Variants in PPP1R21 observed in about 807,000 individuals in gnomAD.
PPP1R21 encodes the protein KLRAQ motif containing 1.
In PPP1R21, 85 loss-of-function variants were observed where a neutral mutation model predicts 112.8. The ratio of observed to expected loss-of-function variants is 0.75; its 90% CI spans 0.63 to 0.90. The LOEUF (loss-of-function observed/expected upper bound fraction) is 0.90. Among genes scored for constraint, PPP1R21 ranks in the 40% least tolerant of loss-of-function variants. PPP1R21 has a pLI of 0.00. For synonymous variants in PPP1R21, 381 were observed against 322.3 expected, an observed-to-expected ratio of 1.18 and a Z score of -1.95; for missense variants, 1,199 against 901.5, an observed-to-expected ratio of 1.33 and a Z score of -4.23.
At chr2:48,455,016 T>C (rs1667656485) in intron 3 of PPP1R21, among the ~76,000 whole-genome samples, 1 of 152,164 alleles carries the variant, frequency 6.6e-6, no homozygotes, top group Admixed American at 6.5e-5. Context: ...TTTTGTATTT[T>C]TTGTAGAGAT....
intron 20 of PPP1R21, among the ~76,000 whole-genome samples, chr2:48,511,081 C>T (rs1039145275): frequency 3.3e-5 from 5 of 151,936 alleles, no homozygotes; most frequent in African/African-American, 1.2e-4. Context: ...TTGGGGGGGA[C>T]ATGGTATTTT....
chr2:48,450,075 C>T (rs770298553), intron 1 of PPP1R21, among the ~76,000 whole-genome samples: 4 of 152,092 alleles, frequency 2.6e-5, no homozygotes, highest in Admixed American at 6.5e-5. Flanking sequence ...TTTAAAATAG[C>T]GTTATTTCTC....
chr2:48,466,368 C>T lies in PPP1R21; in HGVS notation c.897+726C>T, dbSNP rs537900547. ...CTGGGACTACAGGCGTGCACCACCA[C>T]ACTGGCTAATTTTTTTTTTCTTTTT... On this transcript the variant is annotated intron_variant, in intron 9 of 21. Coordinates refer to ENST00000294952, the MANE Select transcript of PPP1R21 (RefSeq NM_001135629.3). Among the ~76,000 whole-genome samples the T allele has an allele frequency of 2.6e-5, 4 of 152,164 alleles. No homozygotes were observed. In the East Asian group the frequency reaches 5.8e-4, roughly 22 times the overall value.
chr2:48,488,430 G>A (rs922131565), intron 14 of PPP1R21, among the ~76,000 whole-genome samples: 3 of 150,046 alleles, frequency 2.0e-5, no homozygotes, highest in Non-Finnish European at 3.0e-5. Context: ...GTAGTGGCAT[G>A]ATCTCAGCTC....
At chr2:48,459,656 C>G (rs573234436) in intron 4 of PPP1R21, 98 bp from the exon 5 acceptor site, 60 of 1,331,834 alleles carry the variant, frequency 4.5e-5, no homozygotes, top group Non-Finnish European at 5.9e-5. Flanking sequence ...GCATATGGAA[C>G]CATGTGGAAG....
chr2:48,476,281 A>C (rs1668752330), intron 12 of PPP1R21, among the ~76,000 whole-genome samples: 1 of 152,244 alleles, frequency 6.6e-6, no homozygotes, highest in Non-Finnish European at 1.5e-5. Context: ...AGCATGTATC[A>C]GTACTCAATT....
chr2:48,474,890 G>C, intron 12 of PPP1R21, 71 bp downstream of exon 12: 1 of 1,339,464 alleles, frequency 7.5e-7, no homozygotes, highest in Non-Finnish European at 1.0e-6. Context: ...AAGGGAGATG[G>C]TTTAGCTAAG....
intron 13 of PPP1R21, among the ~76,000 whole-genome samples, chr2:48,481,387 A>G (rs953218512): frequency 6.6e-6 from 1 of 152,252 alleles, no homozygotes; most frequent in East Asian, 1.9e-4. Context: ...AGTTAACAAT[A>G]TTCAACTCCA....
intron 17 of PPP1R21, among the ~76,000 whole-genome samples, chr2:48,504,641 A>C (rs1434567399): frequency 6.8e-6 from 1 of 147,244 alleles, no homozygotes; most frequent in Non-Finnish European, 1.5e-5. Context: ...ACTCTGTCTC[A>C]GAAACAAACA....
chr2:48,467,478 C>T (rs1226054923), intron 9 of PPP1R21, among the ~76,000 whole-genome samples: 4 of 152,226 alleles, frequency 2.6e-5, no homozygotes, highest in African/African-American at 4.8e-5. Flanking sequence ...TTAGCTGGCT[C>T]ATGATCTCTC....
At chr2:48,444,978 TATACTC>T (rs1293933210) in intron 1 of PPP1R21, among the ~76,000 whole-genome samples, 1 of 152,094 alleles carries the variant, frequency 6.6e-6, no homozygotes, top group Non-Finnish European at 1.5e-5. Flanking sequence ...TTTTTAGACT[TATACTC>T]TTAGTACACA....
chr2:48,489,949 C>T (rs1329013589), intron 14 of PPP1R21, among the ~76,000 whole-genome samples: 3 of 151,962 alleles, frequency 2.0e-5, no homozygotes, highest in Admixed American at 6.6e-5. Context: ...GACAGCTGAG[C>T]CAGGAGAATG....
Position 48,445,012 on chromosome 2 carries a change from A to T in PPP1R21, c.57+4002A>T, listed in dbSNP as rs1057124607. ...AGTACACAGCTACTTGTATGGAGAAAGGGTCAGTTTTGATCCAGCATGTTT... is the reference window on the plus strand; with the variant it reads ...AGTACACAGCTACTTGTATGGAGAATGGGTCAGTTTTGATCCAGCATGTTT... On this transcript the variant is annotated intron_variant, in intron 1 of 21. Coordinates refer to ENST00000294952, the MANE Select transcript of PPP1R21 (RefSeq NM_001135629.3). 5.3e-5 allele frequency among the ~76,000 whole-genome samples: 8 copies of T among 152,102 alleles called. No individual in the cohort carries two copies. In the East Asian group the frequency reaches 1.5e-3, roughly 29 times the overall value.
intron 13 of PPP1R21, among the ~76,000 whole-genome samples, chr2:48,483,004 T>G (rs1249611446): frequency 1.3e-5 from 2 of 152,066 alleles, no homozygotes; most frequent in Non-Finnish European, 2.9e-5. Context: ...TTCTCATCAT[T>G]CAGCTTCCAT....
intron 19 of PPP1R21, among the ~76,000 whole-genome samples, chr2:48,507,716 A>G (rs903265590): frequency 8.3e-5 from 12 of 144,790 alleles, no homozygotes; most frequent in African/African-American, 3.1e-4. Context: ...CTTTATTTCA[A>G]TAAATATAAG....
At chr2:48,493,490 A>T (rs1276980122) in intron 15 of PPP1R21, among the ~76,000 whole-genome samples, 1 of 152,170 alleles carries the variant, frequency 6.6e-6, no homozygotes, top group Non-Finnish European at 1.5e-5. Context: ...ATTCTTAGCC[A>T]GGGTTGATTT....
intron 18 of PPP1R21, among the ~76,000 whole-genome samples, 164 bp downstream of exon 18, chr2:48,505,760 T>C (rs1451175355): frequency 6.6e-6 from 1 of 152,264 alleles, no homozygotes; most frequent in Non-Finnish European, 1.5e-5. Context: ...TATGGATCCA[T>C]GTAGCTTTTC....
chr2:48,489,989 G>A (rs1160407066), intron 14 of PPP1R21, among the ~76,000 whole-genome samples: 1 of 152,140 alleles, frequency 6.6e-6, no homozygotes, highest in Non-Finnish European at 1.5e-5. Flanking sequence ...AGGTTGCAGT[G>A]AGCCGAGATC....
intron 1 of PPP1R21, among the ~76,000 whole-genome samples, chr2:48,446,206 C>T (rs778905987): frequency 1.3e-5 from 2 of 152,184 alleles, no homozygotes; most frequent in Non-Finnish European, 2.9e-5. Flanking sequence ...ATCTCACTTT[C>T]CCCAAAAACT....
Sources: allele counts gnomAD v4.1 joint callset (sites outside exome capture counted in the v4.1 genomes callset), GRCh38; gene constraint gnomAD v4.1.1; transcripts MANE v1.5; gene names NCBI Gene and HGNC (gene_info 2026-07-23, HGNC 2026-07-21).